The following DUSP26 variants were observed in gnomAD, a reference collection of about 807,000 sequenced individuals.
DUSP26 encodes the protein dual specificity protein phosphatase 26.
DUSP26 carries 12 observed loss-of-function variants against 20.0 expected under a neutral mutation model. The observed-to-expected ratio is 0.60, with a 90% confidence interval of 0.38 to 0.97. The LOEUF is 0.97. Ranked by LOEUF, DUSP26 falls within the 50% of genes least tolerant of loss-of-function variation. The probability of loss-of-function intolerance (pLI) is 0.00; values close to 1 mark genes in which losing one functional copy is unlikely to be tolerated. For missense variants in DUSP26, 230 were observed against 294.0 expected (o/e 0.78, Z 1.59); for synonymous variants, 120 against 118.8 (o/e 1.01, Z -0.06).
rs545078102 is a variant in DUSP26 at position 33,592,123 on chromosome 8, C to T, written c.526G>A (p.Val176Met). 1.4e-5 allele frequency: 23 copies of T among 1,614,038 alleles called. No individual in the cohort carries two copies. The highest frequency in any genetic ancestry group is 4.0e-5 in the African/African-American group (3 of 74,998). Reference protein sequence around the residue: ...YLMLYHHLTLVEAIKKVKDHR... With the variant: ...YLMLYHHLTLMEAIKKVKDHR... ...TCTTTGACTTTCTTGATGGCCTCCA[C>T]GAGGGTAAGGTGGTGGTACAGCATG... Residue 176 changes from valine (V) to methionine (M), a missense_variant, in exon 4 of 4, where the codon GTG (valine) becomes ATG (methionine). By Grantham distance (21) the Val-to-Met change is conservative. Transcript: ENST00000256261.
At chr8:33,598,823 C>T (rs1348831195) in intron 1 of DUSP26, among the ~76,000 whole-genome samples, 3 of 152,098 alleles carry the variant, frequency 2.0e-5, no homozygotes, top group Admixed American at 6.6e-5. Context: ...CTGGAGCCTG[C>T]AGAATCCCCT....
intron 2 of DUSP26, among the ~76,000 whole-genome samples, 165 bp downstream of exon 2, chr8:33,597,130 C>G (rs1238864157): frequency 6.6e-6 from 1 of 152,038 alleles, no homozygotes; most frequent in Non-Finnish European, 1.5e-5. Flanking sequence ...CCTGGCCAAA[C>G]TCTCCCAAAC....
At chr8:33,594,661 T>C (rs1480580554) in intron 2 of DUSP26, among the ~76,000 whole-genome samples, 3 of 151,488 alleles carry the variant, frequency 2.0e-5, no homozygotes, top group African/African-American at 7.3e-5. Flanking sequence ...CTTGGATCTG[T>C]AGGGTTCTCA....
At chr8:33,595,351 G>GTT (rs34329879) in intron 2 of DUSP26, among the ~76,000 whole-genome samples, 201 of 149,390 alleles carry the variant, frequency 1.3e-3, no homozygotes, top group African/African-American at 4.7e-3. Context: ...CTGTGACTGT[G>GTT]TTTTTTTTTG....
At chr8:33,598,436 G>A (rs2128847597) in intron 1 of DUSP26, among the ~76,000 whole-genome samples, 1 of 148,410 alleles carries the variant, frequency 6.7e-6, no homozygotes, top group Admixed American at 6.7e-5. Flanking sequence ...GTGGATGGTG[G>A]GGGAATTGAC....
chr8:33,593,610 T>A lies in DUSP26; in HGVS notation c.359A>T (p.Asp120Val). The change falls in exon 3 of 4, where the codon GAC becomes GTC. Residue 120 changes from aspartate to valine, a missense_variant. By Grantham distance (152) the Asp-to-Val change is radical. Transcript: ENST00000256261. ...GATGCTCATGTCAAAGGCTGGCGAG[T>A]CGTGGGCCTCAACACCCAGGTAGCG... ...GIRYLGVEAH[D>V]SPAFDMSIHF... 1.9e-6 allele frequency: 3 copies of A among 1,614,010 alleles called. No homozygotes were observed. The highest frequency in any genetic ancestry group is 2.5e-6 in the Non-Finnish European group (3 of 1,180,006).
chr8:33,595,191 A>T (rs1585378354), intron 2 of DUSP26, among the ~76,000 whole-genome samples: 1 of 152,154 alleles, frequency 6.6e-6, no homozygotes, highest in Non-Finnish European at 1.5e-5. Flanking sequence ...AATGTCAGGC[A>T]GATTGTTCTG....
At chr8:33,593,478 C>A (rs898264585) in intron 3 of DUSP26, 55 bp downstream of exon 3, 38 of 1,583,864 alleles carry the variant, frequency 2.4e-5, no homozygotes, top group Non-Finnish European at 3.0e-5. Flanking sequence ...GACCCTTGGA[C>A]TTCCCCAAAT....
intron 3 of DUSP26, among the ~76,000 whole-genome samples, chr8:33,593,171 C>T (rs1276111334): frequency 6.6e-6 from 1 of 152,124 alleles, no homozygotes; most frequent in Non-Finnish European, 1.5e-5. Context: ...ACTTGGGAGG[C>T]TGAGGCAGGA....
At chr8:33,592,966 C>T (rs1025981231) in intron 3 of DUSP26, among the ~76,000 whole-genome samples, 1 of 152,126 alleles carries the variant, frequency 6.6e-6, no homozygotes, top group Non-Finnish European at 1.5e-5. Flanking sequence ...CCTCTAATTC[C>T]TGGGCTTAAG....
Position 33,591,972 on chromosome 8 carries a change from G to A in DUSP26, c.*41C>T. 1 of 1,605,830 alleles carries A rather than the reference G, an allele frequency of 6.2e-7. No individual in the cohort carries two copies. Among genetic ancestry groups the A allele is most frequent in the African/African-American group, 1.3e-5 (1 of 74,856 alleles). On this transcript the variant is annotated 3_prime_UTR_variant, in exon 4 of 4. Coordinates refer to ENST00000256261, the MANE Select transcript of DUSP26 (RefSeq NM_024025.3). ...CTCCTATCTCCAGCTGGGAGCCAGG[G>A]ACCTACCCACGGGCCTGGCCTGACC...
intron 2 of DUSP26, 88 bp downstream of exon 2, chr8:33,597,207 A>T: frequency 7.9e-7 from 1 of 1,266,822 alleles, no homozygotes; most frequent in South Asian, 1.5e-5. Flanking sequence ...CAATGACACC[A>T]CTGCATACCT....
At chr8:33,593,172 T>C (rs768626837) in intron 3 of DUSP26, among the ~76,000 whole-genome samples, 4 of 152,092 alleles carry the variant, frequency 2.6e-5, no homozygotes, top group Non-Finnish European at 5.9e-5. Context: ...CTTGGGAGGC[T>C]GAGGCAGGAG....
At chr8:33,594,926 G>T (rs1006934713) in intron 2 of DUSP26, among the ~76,000 whole-genome samples, 2 of 152,002 alleles carry the variant, frequency 1.3e-5, no homozygotes, top group African/African-American at 4.8e-5. Context: ...ATTTCATCGT[G>T]TTGGCCAAGC....
chr8:33,596,687 T>C (rs1811155081), intron 2 of DUSP26, among the ~76,000 whole-genome samples: 1 of 152,164 alleles, frequency 6.6e-6, no homozygotes, highest in South Asian at 2.1e-4. Flanking sequence ...TCCTTTGATG[T>C]TTTTCTCTCC....
At position 33,595,686 on chromosome 8, in the gene DUSP26, C is replaced by T. The variant is rs149989681; in HGVS notation, c.221+1609G>A. Among the ~76,000 whole-genome samples the T allele has an allele frequency of 5.0e-3, 763 of 152,040 alleles. 9 individuals are homozygous for T. The highest frequency in any genetic ancestry group is 0.017 in the African/African-American group (689 of 41,500). On this transcript the variant is annotated intron_variant, in intron 2 of 3. Coordinates refer to ENST00000256261, the MANE Select transcript of DUSP26 (RefSeq NM_024025.3). ...GAGCCACCATGCCCGGCCACATTTA[C>T]CCTGTTTTATGACGTCACCTTCAGG...
Position 33,597,242 on chromosome 8 carries a change from C to T in DUSP26, c.221+53G>A, listed in dbSNP as rs73612670. On this transcript the variant is annotated intron_variant, in intron 2 of 3. Coordinates refer to ENST00000256261, the MANE Select transcript of DUSP26 (RefSeq NM_024025.3). Reference sequence around the variant, plus strand: ...TGTCTGCCACCCTTCTCCTTTCTTACACACACAAACACACACACGCTCTAC... The same window carrying T: ...TGTCTGCCACCCTTCTCCTTTCTTATACACACAAACACACACACGCTCTAC... 2.8e-3 allele frequency: 4,198 copies of T among 1,504,072 alleles called. 98 individuals are homozygous for T. In the African/African-American group the frequency reaches 0.05, roughly 18 times the overall value. 93.2% of individuals were successfully genotyped at this position (1,504,072 alleles called of 1,614,324 possible). A position where few individuals can be genotyped will look rare whatever the true frequency, so the allele number is the denominator to read the frequency against.
chr8:33,599,038 T>C (rs956965701), intron 1 of DUSP26, among the ~76,000 whole-genome samples: 1 of 151,948 alleles, frequency 6.6e-6, no homozygotes, highest in Admixed American at 6.6e-5. Flanking sequence ...TGAGGGAAGA[T>C]TGGATGTTAG....
Position 33,591,663 on chromosome 8 carries a change from T to C in DUSP26, c.*350A>G, listed in dbSNP as rs1935270317. 1 of 296,404 alleles carries C rather than the reference T, an allele frequency of 3.4e-6. No individual in the cohort carries two copies. The highest frequency in any genetic ancestry group is 6.4e-6 in the Non-Finnish European group (1 of 156,318). The allele number at this position is 296,404 out of a possible 1,614,324, so 18.4% of individuals were successfully genotyped here. A position where few individuals can be genotyped will look rare whatever the true frequency, so the allele number is the denominator to read the frequency against. On this transcript the variant is annotated 3_prime_UTR_variant, in exon 4 of 4. Coordinates refer to ENST00000256261, the MANE Select transcript of DUSP26 (RefSeq NM_024025.3). ...GGCAGAGATGGCCCTTTTGTTTTGG[T>C]GAGGGAGAGAGGGAAACACTTGGGC...
Sources: gnomAD v4.1 joint callset for allele counts (sites outside exome capture counted in the v4.1 genomes callset) on GRCh38, gnomAD v4.1.1 for gene constraint, MANE v1.5 for transcripts, NCBI Gene and HGNC (gene_info 2026-07-23, HGNC 2026-07-21) for gene names.